The following DHX8 variants were observed in gnomAD, a reference collection of about 807,000 sequenced individuals.
The protein encoded by DHX8 is DEAH-box helicase 8.
In DHX8, 67 loss-of-function variants were observed where a neutral mutation model predicts 140.7. The observed-to-expected ratio is 0.48, with a 90% confidence interval of 0.39 to 0.58. The LOEUF is 0.58. DHX8 is among the 20% of genes least tolerant of loss of function. DHX8 has a pLI of 0.00. For missense variants in DHX8, 887 were observed against 1,550.7 expected (o/e 0.57, Z 7.19); for synonymous variants, 533 against 553.2 (o/e 0.96, Z 0.51).
At position 43,513,465 on chromosome 17, in the gene DHX8, CAG is replaced by C; in HGVS notation, c.2607_2608del (p.Gly870AspfsTer2). On this transcript the variant is annotated frameshift_variant, in exon 17 of 23. Coordinates refer to ENST00000262415, the MANE Select transcript of DHX8 (RefSeq NM_004941.3). LOFTEE classifies it high-confidence loss of function. ...AAACAGAAAGTTTACAATTCCAAGA[CAG>C]GGATTGACCAGCTCGTGGTGACGCC... The C allele has an allele frequency of 1.2e-6, 2 of 1,613,950 alleles. No individual in the cohort carries two copies. The highest frequency in any genetic ancestry group is 1.7e-6 in the Non-Finnish European group (2 of 1,179,938).
intron 11 of DHX8, among the ~76,000 whole-genome samples, chr17:43,500,340 A>T (rs1969113144): frequency 6.6e-6 from 1 of 152,002 alleles, no homozygotes; most frequent in Admixed American, 6.5e-5. Flanking sequence ...TACAAAAGTT[A>T]GCCAGGCATG....
chr17:43,517,144 C>CTTT, intron 17 of DHX8, 23 bp from the exon 18 acceptor site: 1 of 1,599,268 alleles, frequency 6.3e-7, no homozygotes, highest in African/African-American at 1.3e-5. Context: ...AGATATGTTG[C>CTTT]TTTTATATGC....
At chr17:43,505,243 A>T (rs1415509966) in intron 12 of DHX8, among the ~76,000 whole-genome samples, 1 of 152,138 alleles carries the variant, frequency 6.6e-6, no homozygotes, top group African/African-American at 2.4e-5. Flanking sequence ...CCTTGTCTCT[A>T]CTAAAAATAC....
At chr17:43,534,425 CG>C (rs1971127069) in intron 2 of DHX8, among the ~76,000 whole-genome samples, 1 of 152,068 alleles carries the variant, frequency 6.6e-6, no homozygotes, top group Non-Finnish European at 1.5e-5. Context: ...ACCCAGGAGG[CG>C]GGGATTGCAG....
rs1968371218 is a variant in DHX8, at chr17:43,489,483, C to T, written c.183C>T (p.Thr61=). Residue 61 remains threonine (T), a synonymous_variant, in exon 2 of 23, where the codon ACC becomes ACT. Coordinates refer to ENST00000262415, the MANE Select transcript of DHX8 (RefSeq NM_004941.3). ...EFVISLAEKN[T]TFDTFKASLV... is the part of the protein sequence containing the mutation. ...TGATCAGTCTTGCTGAGAAAAATAC[C>T]ACCTTTGATACTTTTAAGGCTTCTC... 7.5e-6 allele frequency: 12 copies of T among 1,610,574 alleles called. No homozygotes were observed. Among genetic ancestry groups the T allele is most frequent in the Non-Finnish European group, 1.0e-5 (12 of 1,179,396 alleles).
At position 43,522,074 on chromosome 17, in the gene DHX8, C is replaced by T. The variant is rs774391843; in HGVS notation, c.3291C>T (p.Gly1097=). ...DRHKLDVVSC[G]KSTVRVQKAI... ...ACAAGCTGGATGTTGTTTCCTGTGG[C>T]AAGTCCACAGTCCGAGTGCAGAAGG... Residue 1097 remains glycine (G), a synonymous_variant, in exon 22 of 23, where the codon GGC becomes GGT. Transcript: ENST00000262415. The T allele has an allele frequency of 1.1e-5, 17 of 1,613,916 alleles. No individual in the cohort carries two copies. The highest frequency in any genetic ancestry group is 1.4e-5 in the Non-Finnish European group (16 of 1,179,980).
chr17:43,516,149 G>T (rs895733068), intron 17 of DHX8, among the ~76,000 whole-genome samples: 1 of 151,946 alleles, frequency 6.6e-6, no homozygotes, highest in Non-Finnish European at 1.5e-5. Context: ...TAGTAGTCAA[G>T]TAAGTATGCA....
At chr17:43,513,630 C>A in intron 17 of DHX8, 128 bp downstream of exon 17, 1 of 810,784 alleles carries the variant, frequency 1.2e-6, no homozygotes, top group Non-Finnish European at 1.8e-6. Flanking sequence ...ACTATAATGA[C>A]ATGAGGGAAG....
downstream of DHX8, among the ~76,000 whole-genome samples, chr17:43,531,246 C>T (rs1377320516): frequency 6.6e-6 from 1 of 152,208 alleles, no homozygotes; most frequent in Admixed American, 6.5e-5. Context: ...AGATCTAGGG[C>T]TACTAATGTA....
chr17:43,513,532 G>A (rs979673549), intron 17 of DHX8, 30 bp downstream of exon 17: 3 of 1,607,058 alleles, frequency 1.9e-6, no homozygotes, highest in Non-Finnish European at 2.5e-6. Context: ...CAGTTTTCCT[G>A]ATAATCCTGA....
rs2154586342 is a variant in DHX8, at chr17:43,491,202, GA to G, written c.347del (p.Lys116ArgfsTer24). ...AACCTAAAACAGAAAAAGAAAAGCTGAAGGAACTCTTCCCAGTCCTTTGCCA... is the reference window on the plus strand; with the variant it reads ...AACCTAAAACAGAAAAAGAAAAGCTGAGGAACTCTTCCCAGTCCTTTGCCA... ...VKPKTEKEKL[K>X]ELFPVLCQPD... On this transcript the variant is annotated frameshift_variant, in exon 4 of 23. Coordinates refer to ENST00000262415, the MANE Select transcript of DHX8 (RefSeq NM_004941.3). LOFTEE classifies it high-confidence loss of function. 6.5e-7 allele frequency: 1 copy of G among 1,542,584 alleles called. No individual in the cohort carries two copies.
downstream of DHX8, chr17:43,529,175 C>T (rs765893929): frequency 2.5e-6 from 4 of 1,613,932 alleles, no homozygotes; most frequent in African/African-American, 1.3e-5. Flanking sequence ...TCGGAGCGAG[C>T]GGCTCAGCTT....
intron 2 of DHX8, among the ~76,000 whole-genome samples, chr17:43,532,112 C>T (rs1970968334): frequency 6.6e-6 from 1 of 152,214 alleles, no homozygotes; most frequent in Admixed American, 6.5e-5. Flanking sequence ...GATCCTCCTG[C>T]CATGGCCTCC....
chr17:43,542,785 C>T (rs547262781), intron 3 of DHX8, among the ~76,000 whole-genome samples: 58 of 152,284 alleles, frequency 3.8e-4, no homozygotes, highest in Middle Eastern at 6.8e-3. Flanking sequence ...ACAGACCCAC[C>T]CACACTACCA....
intron 2 of DHX8, among the ~76,000 whole-genome samples, chr17:43,533,514 T>A (rs954011849): frequency 1.3e-5 from 2 of 152,012 alleles, no homozygotes; most frequent in Admixed American, 1.3e-4. Flanking sequence ...AGCCAATTCT[T>A]TTCTTTTTCA....
chr17:43,498,816 A>AT (rs777019275), intron 9 of DHX8, 46 bp from the exon 10 acceptor site: 4 of 1,480,234 alleles, frequency 2.7e-6, no homozygotes, highest in African/African-American at 2.9e-5. Context: ...GAAAATTGTT[A>AT]TTTTTTCTTG....
downstream of DHX8, among the ~76,000 whole-genome samples, chr17:43,527,270 C>T (rs1970645127): frequency 6.6e-6 from 1 of 152,204 alleles, no homozygotes; most frequent in African/African-American, 2.4e-5. Context: ...TGGCCAGAAT[C>T]CAGGGCCTGC....
chr17:43,496,138 G>T, intron 8 of DHX8, 43 bp from the exon 9 acceptor site: 2 of 1,487,600 alleles, frequency 1.3e-6, no homozygotes, highest in South Asian at 1.2e-5. Context: ...AAAAAGTTTT[G>T]ATCTTAGCAG....
intron 9 of DHX8, among the ~76,000 whole-genome samples, chr17:43,496,618 A>G (rs910933019): frequency 1.7e-4 from 26 of 152,180 alleles, no homozygotes; most frequent in African/African-American, 5.8e-4. Flanking sequence ...TCTCTACTAA[A>G]AAAATACAAA....
Sources: allele counts gnomAD v4.1 joint callset (sites outside exome capture counted in the v4.1 genomes callset), GRCh38; gene constraint gnomAD v4.1.1; transcripts MANE v1.5; gene names NCBI Gene and HGNC (gene_info 2026-07-23, HGNC 2026-07-21).